Variants in CNBD1 observed in about 807,000 individuals in gnomAD.
The protein encoded by CNBD1 is cyclic nucleotide binding domain containing 1.
Under a neutral mutation model 54.4 loss-of-function variants are expected in CNBD1, and 71 were observed. That is an observed-to-expected ratio of 1.30 (90% CI 1.08 to 1.59). The LOEUF (loss-of-function observed/expected upper bound fraction) is 1.59. CNBD1 is among the 40% of genes most tolerant of loss of function. The probability of loss-of-function intolerance (pLI) is 0.00; values close to 1 mark genes in which losing one functional copy is unlikely to be tolerated. For synonymous variants in CNBD1, 182 were observed against 170.7 expected, an observed-to-expected ratio of 1.07 and a Z score of -0.51; for missense variants, 659 against 518.0, an observed-to-expected ratio of 1.27 and a Z score of -2.64.
chr8:87,007,567 T>G (rs1809128876), intron 4 of CNBD1, among the ~76,000 whole-genome samples: 1 of 152,192 alleles, frequency 6.6e-6, no homozygotes, highest in Admixed American at 6.5e-5. Context: ...CTTTGTTTCT[T>G]TCCTATGTTA....
intron 1 of CNBD1, among the ~76,000 whole-genome samples, chr8:86,869,312 T>G (rs1442685760): frequency 6.6e-6 from 1 of 151,582 alleles, no homozygotes; most frequent in Non-Finnish European, 1.5e-5. Flanking sequence ...TAGCAGAGGC[T>G]CCTCGTAGCG....
chr8:87,101,050 C>G (rs1586256729), intron 4 of CNBD1, among the ~76,000 whole-genome samples: 1 of 152,210 alleles, frequency 6.6e-6, no homozygotes, highest in African/African-American at 2.4e-5. Flanking sequence ...TTGAATCTAA[C>G]TGCCTGCTAG....
At chr8:87,287,989 T>C (rs1292176098) in intron 8 of CNBD1, among the ~76,000 whole-genome samples, 1 of 152,082 alleles carries the variant, frequency 6.6e-6, no homozygotes, top group African/African-American at 2.4e-5. Flanking sequence ...TAAATGGCAT[T>C]TTTTTAACCA....
intron 10 of CNBD1, among the ~76,000 whole-genome samples, chr8:87,358,662 A>G (rs572346807): frequency 3.3e-5 from 5 of 152,178 alleles, no homozygotes; most frequent in Non-Finnish European, 7.3e-5. Flanking sequence ...AAGTCCCATG[A>G]TATGCTTTCA....
chr8:87,301,727 A>G (rs1808999180), intron 8 of CNBD1, among the ~76,000 whole-genome samples: 1 of 152,160 alleles, frequency 6.6e-6, no homozygotes. Flanking sequence ...AGATCAACAA[A>G]AGTGATAGAC....
Position 87,083,790 on chromosome 8 carries a change from A to G in CNBD1, c.432-122203A>G, listed in dbSNP as rs574948023. Among the ~76,000 whole-genome samples, 18 of 151,928 alleles carry G rather than the reference A, an allele frequency of 1.2e-4. No individual in the cohort carries two copies. The East Asian group carries it at 3.3e-3, about 28-fold the overall frequency. On this transcript the variant is annotated intron_variant, in intron 4 of 10. Transcript: ENST00000518476. ...TTTTTAGTAGAGACAGGGTTTTACC[A>G]TGTTAGCCAGGATGGTCTTGATCTC... is the stretch of plus-strand genomic sequence containing the variant.
At chr8:86,868,045 A>G (rs542827612) in intron 1 of CNBD1, among the ~76,000 whole-genome samples, 15 of 152,308 alleles carry the variant, frequency 9.8e-5, no homozygotes, top group Non-Finnish European at 2.1e-4. Context: ...CTTTTTGCTA[A>G]CTGTAGCAAG....
chr8:87,103,166 A>T (rs1811466585), intron 4 of CNBD1, among the ~76,000 whole-genome samples: 1 of 152,184 alleles, frequency 6.6e-6, no homozygotes, highest in African/African-American at 2.4e-5. Context: ...CAGCATACAG[A>T]TGGTAACTGC....
At chr8:87,407,562 C>T (rs1807671629) in intron 2 of CNBD1, among the ~76,000 whole-genome samples, 3 of 152,086 alleles carry the variant, frequency 2.0e-5, no homozygotes, top group African/African-American at 7.2e-5. Flanking sequence ...AGCTTTAGTA[C>T]ATACTGAGAA....
chr8:87,415,982 CAAAAA>C (rs957491539), intron 2 of CNBD1, among the ~76,000 whole-genome samples: 1 of 151,106 alleles, frequency 6.6e-6, no homozygotes, highest in Non-Finnish European at 1.5e-5. Context: ...TGGACATTAA[CAAAAA>C]AAATTACATC....
At chr8:87,092,431 A>ATGTGTGTGTGTGTATATATACACATATG (rs1390938972) in intron 4 of CNBD1, among the ~76,000 whole-genome samples, 1 of 113,468 alleles carries the variant, frequency 8.8e-6, no homozygotes, top group African/African-American at 3.6e-5. Context: ...GTATGTATGT[A>ATGTGTGTGTGTGTATATATACACATATG]TGTGTGTGTG....
In CNBD1 at chr8:86,969,791, TATACACAC is replaced by T. The variant is rs1221719657; in HGVS notation, c.431+30039_431+30046del. 5.6e-3 allele frequency among the ~76,000 whole-genome samples: 303 copies of T among 53,764 alleles called. 2 individuals carry two copies. Among genetic ancestry groups the T allele is most frequent in the African/African-American group, 0.016 (286 of 18,372 alleles). 35.3% of individuals were successfully genotyped at this position (53,764 alleles called of 152,430 possible). A position where few individuals can be genotyped will look rare whatever the true frequency, so the allele number is the denominator to read the frequency against. On this transcript the variant is annotated intron_variant, in intron 4 of 10. Transcript: ENST00000518476. ...TAAGGACTAGTGTTTTATATATATA[TATACACAC>T]ACACACACACACACACACACACATA...
intron 5 of CNBD1, among the ~76,000 whole-genome samples, chr8:87,210,634 A>G (rs910318022): frequency 3.9e-5 from 6 of 152,118 alleles, no homozygotes; most frequent in African/African-American, 1.2e-4. Flanking sequence ...GCCCCTCTGG[A>G]GGGTACAAGC....
At chr8:87,206,263 T>G (rs1034043680) in intron 5 of CNBD1, 125 bp downstream of exon 5, 3 of 715,930 alleles carry the variant, frequency 4.2e-6, no homozygotes, top group South Asian at 3.1e-5. Flanking sequence ...AATGTACTAT[T>G]TGGGTGTGTT....
At position 86,953,521 on chromosome 8, in the gene CNBD1, T is replaced by G. The variant is rs1482133621; in HGVS notation, c.431+13767T>G. 4.6e-5 allele frequency among the ~76,000 whole-genome samples: 7 copies of G among 152,174 alleles called. 1 individual carries two copies. Among genetic ancestry groups the G allele is most frequent in the Admixed American group, 4.6e-4 (7 of 15,268 alleles). ...TCCCGTACAATTTTGGAACACATTT[T>G]AACATTTTTCACTAAAATATGGCCT... On this transcript the variant is annotated intron_variant, in intron 4 of 10. Coordinates refer to ENST00000518476, the MANE Select transcript of CNBD1 (RefSeq NM_173538.3).
intron 5 of CNBD1, among the ~76,000 whole-genome samples, chr8:87,221,566 A>G (rs1268507376): frequency 1.3e-5 from 2 of 152,114 alleles, no homozygotes; most frequent in Non-Finnish European, 2.9e-5. Context: ...AAGTCATTCC[A>G]TATATTTCCC....
At chr8:87,152,689 C>G (rs1202362258) in intron 4 of CNBD1, among the ~76,000 whole-genome samples, 1 of 152,082 alleles carries the variant, frequency 6.6e-6, no homozygotes, top group Non-Finnish European at 1.5e-5. Context: ...GAACTCCATC[C>G]TCACATGTGT....
At chr8:86,951,883 T>C (rs1025338074) in intron 4 of CNBD1, among the ~76,000 whole-genome samples, 4 of 152,000 alleles carry the variant, frequency 2.6e-5, no homozygotes, top group Non-Finnish European at 5.9e-5. Context: ...GCAAACCTGC[T>C]CCACTGTATT....
chr8:86,935,974 C>T (rs1391972834), intron 3 of CNBD1, among the ~76,000 whole-genome samples: 1 of 151,868 alleles, frequency 6.6e-6, no homozygotes, highest in South Asian at 2.1e-4. Context: ...TGGCAAAAAC[C>T]ATCTCTTAAA....
Sources: allele counts gnomAD v4.1 joint callset (sites outside exome capture counted in the v4.1 genomes callset), GRCh38; gene constraint gnomAD v4.1.1; transcripts MANE v1.5; gene names NCBI Gene and HGNC (gene_info 2026-07-23, HGNC 2026-07-21).